The following PECR variants were observed in gnomAD, a reference collection of about 807,000 sequenced individuals.
PECR encodes peroxisomal trans-2-enoyl-CoA reductase, also known as 2,4-dienoyl-CoA reductase-related protein.
Under a neutral mutation model 35.3 loss-of-function variants are expected in PECR, and 30 were observed. The observed-to-expected ratio is 0.85, with a 90% CI of 0.64 to 1.15. The LOEUF (loss-of-function observed/expected upper bound fraction) is 1.15, where lower values mean the gene tolerates loss of function less well. Among genes scored for constraint, PECR ranks in the 50% most tolerant of loss-of-function variants. PECR has a pLI of 0.00. For missense variants in PECR, 392 were observed against 370.8 expected (o/e 1.06, Z -0.47); for synonymous variants, 148 against 138.9 (o/e 1.07, Z -0.46).
intron 4 of PECR, among the ~76,000 whole-genome samples, chr2:216,057,050 C>A (rs529524958): frequency 2.0e-5 from 3 of 152,044 alleles, no homozygotes; most frequent in Non-Finnish European, 4.4e-5. Flanking sequence ...AAAAGAAACT[C>A]TCATTACTTC....
intron 7 of PECR, among the ~76,000 whole-genome samples, chr2:216,041,418 A>G (rs1284691147): frequency 6.6e-6 from 1 of 152,236 alleles, no homozygotes; most frequent in Non-Finnish European, 1.5e-5. Flanking sequence ...AAGACCCTTA[A>G]AACTACAGTA....
Position 216,039,331 on chromosome 2 carries a change from C to T in PECR, c.856G>A (p.Asp286Asn), listed in dbSNP as rs1694849475. 1 of 1,608,460 alleles carries T rather than the reference C, an allele frequency of 6.2e-7. No individual in the cohort carries two copies. Among genetic ancestry groups the T allele is most frequent in the South Asian group, 1.1e-5 (1 of 90,954 alleles). ...TTCATCTTTTTGACAACAGAAAGGTCCCCTGCTCCCTTGGGCCAGTTGTCA... is the reference window on the plus strand; with the variant it reads ...TTCATCTTTTTGACAACAGAAAGGTTCCCTGCTCCCTTGGGCCAGTTGTCA... ...DHDNWPKGAG[D>N]LSVVKKMKET... Residue 286 changes from aspartate to asparagine, a missense_variant, in exon 8 of 8, where the codon GAC (aspartate) becomes AAC (asparagine). By Grantham distance (23) the Asp-to-Asn change is conservative. Coordinates refer to ENST00000265322, the MANE Select transcript of PECR (RefSeq NM_018441.6).
intron 4 of PECR, among the ~76,000 whole-genome samples, chr2:216,054,841 G>T (rs1028112942): frequency 3.3e-5 from 5 of 151,398 alleles, no homozygotes; most frequent in Non-Finnish European, 7.4e-5. Flanking sequence ...GGCCAGGCGT[G>T]GTGGCTCACG....
intron 6 of PECR, among the ~76,000 whole-genome samples, chr2:216,046,555 C>T (rs1024850284): frequency 1.3e-5 from 2 of 152,006 alleles, no homozygotes; most frequent in African/African-American, 4.8e-5. Context: ...AAGTGATCCA[C>T]CTGCCTTAGG....
At chr2:216,050,067 A>G (rs1695075667) in intron 5 of PECR, among the ~76,000 whole-genome samples, 2 of 152,076 alleles carry the variant, frequency 1.3e-5, no homozygotes, top group South Asian at 4.1e-4. Flanking sequence ...AAAATATAAA[A>G]AAGAATTAGC....
At chr2:216,074,217 G>A (rs528829523) in intron 1 of PECR, among the ~76,000 whole-genome samples, 9 of 152,270 alleles carry the variant, frequency 5.9e-5, no homozygotes, top group Middle Eastern at 3.4e-3. Flanking sequence ...GGCCAAGGCC[G>A]GTGGATCGCT....
intron 4 of PECR, among the ~76,000 whole-genome samples, chr2:216,055,113 CAAA>C (rs955021535): frequency 5.5e-5 from 3 of 54,476 alleles, no homozygotes; most frequent in Non-Finnish European, 7.8e-5. Context: ...CTGTGTCTTA[CAAA>C]AAAAAAAAAA....
Position 216,039,115 on chromosome 2 carries a change from C to A in PECR, c.*160G>T. 1.6e-6 allele frequency: 1 copy of A among 607,716 alleles called. No homozygotes were observed. Among genetic ancestry groups the A allele is most frequent in the Non-Finnish European group, 3.0e-6 (1 of 337,602 alleles). 37.6% of individuals were successfully genotyped at this position (607,716 alleles called of 1,614,324 possible). A position where few individuals can be genotyped will look rare whatever the true frequency, so the allele number is the denominator to read the frequency against. ...AAAAGACTCTGATTGGGACATAAGA[C>A]TGTATATATTTCAGGAATAGTTTTT... On this transcript the variant is annotated 3_prime_UTR_variant, in exon 8 of 8. Coordinates refer to ENST00000265322, the MANE Select transcript of PECR (RefSeq NM_018441.6).
At chr2:216,078,443 C>G (rs1284429470) in intron 1 of PECR, among the ~76,000 whole-genome samples, 2 of 151,904 alleles carry the variant, frequency 1.3e-5, no homozygotes, top group Non-Finnish European at 2.9e-5. Context: ...CCAGCCTGGC[C>G]AACGTGGTAA....
intron 4 of PECR, among the ~76,000 whole-genome samples, chr2:216,051,937 A>G (rs1033915781): frequency 6.6e-6 from 1 of 152,248 alleles, no homozygotes; most frequent in Non-Finnish European, 1.5e-5. Context: ...CTATAATCCT[A>G]GCACTTTGGG....
intron 6 of PECR, among the ~76,000 whole-genome samples, chr2:216,044,865 C>T (rs964924454): frequency 6.6e-6 from 1 of 152,148 alleles, no homozygotes; most frequent in Non-Finnish European, 1.5e-5. Context: ...TGGGAAGAAG[C>T]AGAGTTTCTC....
At chr2:216,047,165 G>GA (rs1404007561) in intron 6 of PECR, among the ~76,000 whole-genome samples, 1 of 152,026 alleles carries the variant, frequency 6.6e-6, no homozygotes, top group Non-Finnish European at 1.5e-5. Flanking sequence ...GGCTGAGGCA[G>GA]GAGAATCGCT....
At chr2:216,067,420 A>T (rs948506311) in intron 1 of PECR, among the ~76,000 whole-genome samples, 1 of 152,248 alleles carries the variant, frequency 6.6e-6, no homozygotes, top group Non-Finnish European at 1.5e-5. Flanking sequence ...ATGCAGAAGC[A>T]GATGGCTTCT....
chr2:216,063,899 T>C (rs1251744366), intron 3 of PECR: 1 of 151,858 alleles, frequency 6.6e-6, no homozygotes, highest in Non-Finnish European at 1.5e-5. Flanking sequence ...TTTTTTTTTG[T>C]ATCTTAGTAG....
chr2:216,070,021 TAGAA>T (rs1268996023), intron 1 of PECR, among the ~76,000 whole-genome samples: 2 of 150,940 alleles, frequency 1.3e-5, no homozygotes, highest in Non-Finnish European at 2.9e-5. Flanking sequence ...GATCGAAACA[TAGAA>T]AGGAGTACAA....
intron 7 of PECR, among the ~76,000 whole-genome samples, chr2:216,030,465 A>G (rs1694662654): frequency 6.6e-6 from 1 of 152,220 alleles, no homozygotes; most frequent in East Asian, 1.9e-4. Flanking sequence ...CTAAAATGAG[A>G]TAATGCATGG....
At chr2:216,053,241 G>C (rs1695154739) in intron 4 of PECR, among the ~76,000 whole-genome samples, 1 of 141,806 alleles carries the variant, frequency 7.1e-6, no homozygotes, top group African/African-American at 3.1e-5. Flanking sequence ...TTCTGATTTT[G>C]TTTTGTTTTG....
At chr2:216,047,258 C>CA (rs201801195) in intron 6 of PECR, among the ~76,000 whole-genome samples, 2 of 66,814 alleles carry the variant, frequency 3.0e-5, no homozygotes, top group South Asian at 3.8e-4. Context: ...AACTTCGTCT[C>CA]AGGAAAAAAA....
intron 4 of PECR, among the ~76,000 whole-genome samples, chr2:216,055,088 G>C (rs540307762): frequency 1.3e-5 from 2 of 149,146 alleles, no homozygotes; most frequent in African/African-American, 2.5e-5. Context: ...CTCCAGCCTG[G>C]GTGATAGAGC....
Sources: allele counts gnomAD v4.1 joint callset (sites outside exome capture counted in the v4.1 genomes callset), GRCh38; gene constraint gnomAD v4.1.1; transcripts MANE v1.5; gene names NCBI Gene and HGNC (gene_info 2026-07-23, HGNC 2026-07-21).